FSD1L: variants seen among roughly 807,000 people sequenced by gnomAD.
FSD1L encodes fibronectin type III and SPRY domain containing 1 like.
Under a neutral mutation model 71.6 loss-of-function variants are expected in FSD1L, and 45 were observed. The observed-to-expected ratio is 0.63, with a 90% confidence interval of 0.49 to 0.81. The LOEUF is 0.81. FSD1L is among the 30% of genes least tolerant of loss of function. The pLI is 0.00. For synonymous variants in FSD1L, 197 were observed against 207.2 expected, an observed-to-expected ratio of 0.95 and a Z score of 0.42; for missense variants, 561 against 618.1, an observed-to-expected ratio of 0.91 and a Z score of 0.98.
intron 8 of FSD1L, among the ~76,000 whole-genome samples, chr9:105,508,199 A>G (rs1391738546): frequency 1.7e-5 from 2 of 114,998 alleles, no homozygotes; most frequent in East Asian, 2.5e-4. Context: ...TTTTTTTGAG[A>G]CAGAGTCCTG....
chr9:105,491,146 T>C (rs1832910425), intron 7 of FSD1L, among the ~76,000 whole-genome samples: 1 of 152,144 alleles, frequency 6.6e-6, no homozygotes, highest in Non-Finnish European at 1.5e-5. Context: ...GAGCATGGAA[T>C]GTTCTTCCAT....
intron 10 of FSD1L, among the ~76,000 whole-genome samples, chr9:105,513,322 T>G (rs1195497979): frequency 6.6e-6 from 1 of 152,168 alleles, no homozygotes; most frequent in Non-Finnish European, 1.5e-5. Flanking sequence ...AACCCTAGGG[T>G]CTTGCCTCTG....
At chr9:105,483,175 A>G (rs1832321963) in intron 6 of FSD1L, among the ~76,000 whole-genome samples, 1 of 152,224 alleles carries the variant, frequency 6.6e-6, no homozygotes, top group Non-Finnish European at 1.5e-5. Flanking sequence ...ATTATATTTC[A>G]GTATAGCACT....
At chr9:105,543,695 TC>T (rs780844102) in intron 13 of FSD1L, among the ~76,000 whole-genome samples, 7 of 152,150 alleles carry the variant, frequency 4.6e-5, no homozygotes, top group Non-Finnish European at 8.8e-5. Context: ...TTGGTTTTTG[TC>T]CCTGCGATAG....
At chr9:105,442,521 A>AT in the FSD1L span, among the ~76,000 whole-genome samples, 1 of 150,170 alleles carries the variant, frequency 6.7e-6, no homozygotes, top group African/African-American at 2.5e-5. Flanking sequence ...TCTACAAAAC[A>AT]TAAAAAAAAA....
upstream of FSD1L, among the ~76,000 whole-genome samples, chr9:105,445,367 G>A (rs1829620636): frequency 6.6e-6 from 1 of 152,148 alleles, no homozygotes; most frequent in Non-Finnish European, 1.5e-5. Context: ...TGGGCTACAG[G>A]GAAAGAACTT....
rs1430885214 is a variant in FSD1L at position 105,471,976 on chromosome 9, G to C, written c.412G>C (p.Asp138His). 1 of 1,441,112 alleles carries C rather than the reference G, an allele frequency of 6.9e-7. No homozygotes were observed. The highest frequency in any genetic ancestry group is 1.5e-5 in the South Asian group (1 of 65,566). The allele number at this position is 1,441,112 out of a possible 1,614,324, so 89.3% of individuals were successfully genotyped here. The change falls in exon 5 of 14, where the codon GAT (aspartate) becomes CAT (histidine). Residue 138 changes from aspartate to histidine, a missense_variant. Around this residue, in one of 3 missense-constraint regions of FSD1L, gnomAD observed 410 missense variants for 413.5 expected, o/e 0.99. Coordinates refer to ENST00000481272, the MANE Select transcript of FSD1L (RefSeq NM_001145313.3). Reference sequence around the variant, plus strand: ...ATTAGAATTTGCAACAAGGTCATTAGATATAAAGGAACCTGAAGAATTTTC... The same window carrying C: ...ATTAGAATTTGCAACAAGGTCATTACATATAAAGGAACCTGAAGAATTTTC... ...ELLEFATRSLDIKEPEEFSKA... is the reference protein window; with the variant it reads ...ELLEFATRSLHIKEPEEFSKA...
intron 4 of FSD1L, 83 bp downstream of exon 4, chr9:105,468,407 C>T: frequency 9.8e-7 from 1 of 1,022,574 alleles, no homozygotes; most frequent in South Asian, 1.9e-5. Context: ...TAATGAATTT[C>T]TAAGTATAAC....
intron 10 of FSD1L, chr9:105,513,529 A>G: frequency 7.6e-7 from 1 of 1,310,622 alleles, no homozygotes; most frequent in Non-Finnish European, 1.1e-6. Flanking sequence ...CTTTAATCTG[A>G]TTTCATTATA....
Position 105,546,442 on chromosome 9 carries a change from A to G in FSD1L, c.1552A>G (p.Thr518Ala). The change falls in exon 14 of 14, where the codon ACT becomes GCT. Residue 518 changes from threonine (T) to alanine (A), a missense_variant. Thr to Ala is a moderately conservative substitution (Grantham distance 58). Transcript: ENST00000481272. ...RTLQKSENGM[T>A]GSASSLNNVV... ...ACTTCAGAAAAGTGAAAATGGAATG[A>G]CTGGTTCAGCTAGCAGCCTGAACAA... 7 of 1,550,226 alleles carry G rather than the reference A, an allele frequency of 4.5e-6. No homozygotes were observed. Among genetic ancestry groups the G allele is most frequent in the Non-Finnish European group, 6.1e-6 (7 of 1,146,056 alleles).
chr9:105,494,454 C>T (rs968505942), intron 7 of FSD1L, among the ~76,000 whole-genome samples: 8 of 152,142 alleles, frequency 5.3e-5, no homozygotes, highest in Admixed American at 2.6e-4. Flanking sequence ...GAATTTCCTC[C>T]TGTAGCTTGG....
At chr9:105,543,745 C>G (rs1836787510) in intron 13 of FSD1L, among the ~76,000 whole-genome samples, 1 of 152,142 alleles carries the variant, frequency 6.6e-6, no homozygotes, top group African/African-American at 2.4e-5. Flanking sequence ...ATCCATGTCC[C>G]TACAAAGGAC....
intron 7 of FSD1L, among the ~76,000 whole-genome samples, chr9:105,497,110 G>T (rs1372732575): frequency 6.6e-6 from 1 of 151,952 alleles, no homozygotes; most frequent in Non-Finnish European, 1.5e-5. Flanking sequence ...TGCATTTTTT[G>T]GCATCTATTT....
rs146751775 is a variant in FSD1L, at chr9:105,528,526, A to G, written c.1026-5967A>G. Among the ~76,000 whole-genome samples the G allele has an allele frequency of 9.3e-3, 1,421 of 152,314 alleles. 22 individuals are homozygous for G. Among genetic ancestry groups the G allele is most frequent in the African/African-American group, 0.032 (1,344 of 41,580 alleles). On this transcript the variant is annotated intron_variant, in intron 10 of 13. Coordinates refer to ENST00000481272, the MANE Select transcript of FSD1L (RefSeq NM_001145313.3). ...TTGACAAACCTGACACAAACAAGCA[A>G]TGGGGAAAAGATTCCCTATTTAATA...
chr9:105,526,327 T>C, intron 10 of FSD1L: 1 of 1,611,312 alleles, frequency 6.2e-7, no homozygotes, highest in Admixed American at 1.7e-5. Context: ...TCCAGCTCCC[T>C]ACCACCATTT....
intron 10 of FSD1L, among the ~76,000 whole-genome samples, chr9:105,517,626 G>C (rs1314679533): frequency 6.6e-6 from 1 of 152,248 alleles, no homozygotes; most frequent in South Asian, 2.1e-4. Flanking sequence ...GATTTTGTCA[G>C]CACCAGGCCT....
intron 2 of FSD1L, among the ~76,000 whole-genome samples, chr9:105,463,009 A>ATG (rs1830816240): frequency 6.7e-6 from 1 of 150,342 alleles, no homozygotes; most frequent in Admixed American, 6.6e-5. Flanking sequence ...GTGGTGGCGG[A>ATG]CACCTGTAAT....
At chr9:105,513,424 C>T (rs1834514628) in intron 10 of FSD1L, among the ~76,000 whole-genome samples, 1 of 152,126 alleles carries the variant, frequency 6.6e-6, no homozygotes, top group Non-Finnish European at 1.5e-5. Flanking sequence ...ACATGGGATC[C>T]TCTTTCTTTT....
Position 105,546,461 on chromosome 9 carries a change from T to C in FSD1L, c.1571T>C (p.Leu524Pro). 1 of 1,548,328 alleles carries C rather than the reference T, an allele frequency of 6.5e-7. No homozygotes were observed. The highest frequency in any genetic ancestry group is 8.7e-7 in the Non-Finnish European group (1 of 1,145,482). Residue 524 changes from leucine (L) to proline (P), a missense_variant, in exon 14 of 14, where the codon CTG becomes CCG. Coordinates refer to ENST00000481272, the MANE Select transcript of FSD1L (RefSeq NM_001145313.3). ...GGAATGACTGGTTCAGCTAGCAGCC[T>C]GAACAATGTTGTTACTCAATAGTGT... ...ENGMTGSASS[L>P]NNVVTQ
Sources: gnomAD v4.1 joint callset for allele counts (sites outside exome capture counted in the v4.1 genomes callset) on GRCh38, gnomAD v4.1.1 for gene constraint, gnomAD v4.1.1 regional missense constraint, MANE v1.5 for transcripts, NCBI Gene and HGNC (gene_info 2026-07-23, HGNC 2026-07-21) for gene names.